The following NRXN1 variants were observed in gnomAD, a reference collection of about 807,000 sequenced individuals.
NRXN1 encodes neurexin 1.
A neutral mutation model predicts 150.9 loss-of-function variants in NRXN1; 39 were observed. That is an observed-to-expected ratio of 0.26 (90% CI 0.20 to 0.34). The LOEUF is 0.34. NRXN1 is among the 10% of genes least tolerant of loss of function. NRXN1 has a pLI of 1.00. For synonymous variants in NRXN1, 924 were observed against 757.0 expected (o/e 1.22, Z -3.62); for missense variants, 1,815 against 1,949.9 (o/e 0.93, Z 1.30).
intron 5 of NRXN1, among the ~76,000 whole-genome samples, chr2:50,759,469 G>A (rs200353502): frequency 3.3e-5 from 5 of 151,846 alleles, no homozygotes; most frequent in Non-Finnish European, 7.4e-5. Flanking sequence ...CTTGGTGTAC[G>A]ATCTGACGCA....
Position 50,501,947 on chromosome 2 carries a change from G to A in NRXN1, c.2498-4233C>T, listed in dbSNP as rs1363577400. Among the ~76,000 whole-genome samples, 5 of 152,290 alleles carry A rather than the reference G, an allele frequency of 3.3e-5. No individual in the cohort carries two copies. The South Asian group carries it at 8.3e-4, about 25-fold the overall frequency. On this transcript the variant is annotated intron_variant, in intron 13 of 22. Transcript: ENST00000401669. ...TAGGACTTTGCATGAAGAGTCTCTAGTACCTTCCTTGCAGAAATTCTTCTC... is the reference window on the plus strand; with the variant it reads ...TAGGACTTTGCATGAAGAGTCTCTAATACCTTCCTTGCAGAAATTCTTCTC...
At chr2:50,542,291 A>AAGAG (rs3052540) in intron 9 of NRXN1, among the ~76,000 whole-genome samples, 7 of 151,284 alleles carry the variant, frequency 4.6e-5, no homozygotes, top group East Asian at 1.9e-4. Context: ...GAAAGAAAGA[A>AAGAG]AGAGAGAGAG....
intron 19 of NRXN1, among the ~76,000 whole-genome samples, chr2:50,060,405 G>A (rs1313128839): frequency 2.0e-5 from 3 of 152,166 alleles, no homozygotes; most frequent in Non-Finnish European, 4.4e-5. Context: ...CCTTGCTTTT[G>A]ATTTTATAGG....
chr2:50,600,473 T>G (rs980033135), intron 8 of NRXN1, among the ~76,000 whole-genome samples: 1 of 151,938 alleles, frequency 6.6e-6, no homozygotes, highest in Non-Finnish European at 1.5e-5. Flanking sequence ...TACAGGCGTG[T>G]GCCACCATGT....
intron 2 of NRXN1, among the ~76,000 whole-genome samples, chr2:50,996,950 T>C (rs1275222055): frequency 2.6e-5 from 4 of 152,074 alleles, no homozygotes; most frequent in African/African-American, 9.7e-5. Flanking sequence ...TCCCTCTTTG[T>C]TATTGTTTGA....
intron 19 of NRXN1, among the ~76,000 whole-genome samples, chr2:50,056,832 T>G (rs1041425890): frequency 6.6e-6 from 1 of 152,172 alleles, no homozygotes; most frequent in Non-Finnish European, 1.5e-5. Context: ...ATACATACCC[T>G]TTGCTCTATA....
At chr2:50,013,185 A>G (rs570459492) in intron 21 of NRXN1, among the ~76,000 whole-genome samples, 6 of 151,690 alleles carry the variant, frequency 4.0e-5, no homozygotes, top group Admixed American at 3.3e-4. Context: ...TAGCCATTTT[A>G]GGCATTATAT....
At chr2:50,996,259 T>C (rs752535910) in intron 2 of NRXN1, among the ~76,000 whole-genome samples, 6 of 152,094 alleles carry the variant, frequency 3.9e-5, no homozygotes, top group African/African-American at 1.2e-4. Flanking sequence ...CACAAAGGTG[T>C]ACGTATCATG....
chr2:50,486,591 C>A (rs1364769343), intron 15 of NRXN1, among the ~76,000 whole-genome samples: 2 of 152,018 alleles, frequency 1.3e-5, no homozygotes, highest in Non-Finnish European at 2.9e-5. Flanking sequence ...TTTTTACAGT[C>A]CCAGAACTCT....
At chr2:50,359,539 A>G (rs1488028514) in intron 17 of NRXN1, among the ~76,000 whole-genome samples, 1 of 151,792 alleles carries the variant, frequency 6.6e-6, no homozygotes, top group African/African-American at 2.4e-5. Context: ...AAAATAAAGC[A>G]TGGAGACAAG....
intron 5 of NRXN1, among the ~76,000 whole-genome samples, chr2:50,745,587 C>T (rs142981411): frequency 6.6e-6 from 1 of 151,992 alleles, no homozygotes; most frequent in South Asian, 2.1e-4. Flanking sequence ...AAGACATAAG[C>T]AAGACTGGGT....
Position 50,866,133 on chromosome 2 carries a change from T to C in NRXN1, c.832+55736A>G, listed in dbSNP as rs532604929. Among the ~76,000 whole-genome samples the C allele has an allele frequency of 4.6e-5, 7 of 152,008 alleles. 1 individual carries two copies. The South Asian group carries it at 1.4e-3, about 31-fold the overall frequency. ...TAGATTATCAGTATCAAATTTAATA[T>C]GTAAATGAAATATCCAAGAATATAA... On this transcript the variant is annotated intron_variant, in intron 5 of 22. Coordinates refer to ENST00000401669, the MANE Select transcript of NRXN1 (RefSeq NM_001330078.2).
At chr2:49,973,744 CA>C in intron 21 of NRXN1, 1 of 540,852 alleles carries the variant, frequency 1.8e-6, no homozygotes, top group Non-Finnish European at 3.3e-6. Flanking sequence ...GGTTTAAGGA[CA>C]TTTTAAAATT....
chr2:50,538,482 A>G lies in NRXN1; in HGVS notation c.1914T>C (p.Tyr638=). 1.2e-6 allele frequency: 2 copies of G among 1,613,832 alleles called. No homozygotes were observed. The highest frequency in any genetic ancestry group is 1.1e-5 in the South Asian group (1 of 91,076). ...PTEVWTALLN[Y]GYVGCIRDLF... is the part of the protein sequence containing the mutation. ...AATCCCTGATGCAGCCCACGTAGCC[A>G]TAGTTGAGCAGAGCAGTCCACACCT... The change falls in exon 10 of 23, where the codon TAT becomes TAC. Residue 638 remains tyrosine (Y), a synonymous_variant. Coordinates refer to ENST00000401669, the MANE Select transcript of NRXN1 (RefSeq NM_001330078.2).
intron 21 of NRXN1, among the ~76,000 whole-genome samples, chr2:49,950,095 A>G (rs1264727712): frequency 6.6e-6 from 1 of 151,976 alleles, no homozygotes. Flanking sequence ...CTAGGAGGTA[A>G]GGGAAGTCAT....
At chr2:50,996,161 A>T (rs1699250399) in intron 2 of NRXN1, among the ~76,000 whole-genome samples, 1 of 152,122 alleles carries the variant, frequency 6.6e-6, no homozygotes, top group African/African-American at 2.4e-5. Flanking sequence ...AGAATTTCTC[A>T]AAAGATGTTA....
chr2:50,744,802 A>G (rs1699825906), intron 5 of NRXN1, among the ~76,000 whole-genome samples: 1 of 152,188 alleles, frequency 6.6e-6, no homozygotes, highest in Non-Finnish European at 1.5e-5. Context: ...TTCTAGGGAA[A>G]TAAACACATG....
At chr2:50,214,619 A>G (rs1293604697) in intron 18 of NRXN1, among the ~76,000 whole-genome samples, 1 of 152,034 alleles carries the variant, frequency 6.6e-6, no homozygotes, top group East Asian at 1.9e-4. Context: ...TCTGTATTCT[A>G]GCTACTTTCA....
chr2:50,488,654 T>C (rs1301785717), intron 15 of NRXN1, among the ~76,000 whole-genome samples: 4 of 152,330 alleles, frequency 2.6e-5, no homozygotes, highest in Non-Finnish European at 4.4e-5. Context: ...CCCTGTCCCT[T>C]TCCACATCAC....
Sources: allele counts gnomAD v4.1 joint callset (sites outside exome capture counted in the v4.1 genomes callset), GRCh38; gene constraint gnomAD v4.1.1; transcripts MANE v1.5; gene names NCBI Gene and HGNC (gene_info 2026-07-23, HGNC 2026-07-21).